The following FILIP1L variants were observed in gnomAD, a reference collection of about 807,000 sequenced individuals.
The protein encoded by FILIP1L is filamin A interacting protein 1 like.
In FILIP1L, 55 loss-of-function variants were observed where a neutral mutation model predicts 96.6. The observed-to-expected ratio is 0.57, with a 90% CI of 0.46 to 0.71. FILIP1L has a LOEUF of 0.71. FILIP1L is among the 30% of genes least tolerant of loss of function. The pLI is 0.00. For synonymous variants in FILIP1L, 467 were observed against 473.9 expected (o/e 0.99, Z 0.19); for missense variants, 1,304 against 1,321.2 (o/e 0.99, Z 0.20).
At chr3:99,905,781 A>G (rs1250629921) in intron 4 of FILIP1L, among the ~76,000 whole-genome samples, 2 of 152,216 alleles carry the variant, frequency 1.3e-5, no homozygotes, top group South Asian at 2.1e-4. Context: ...GACTGCATGC[A>G]TGTGGACTCT....
At chr3:99,833,922 TG>T (rs1559649104) in intron 5 of FILIP1L, among the ~76,000 whole-genome samples, 1 of 152,240 alleles carries the variant, frequency 6.6e-6, no homozygotes, top group Non-Finnish European at 1.5e-5. Flanking sequence ...CAGTGTTTAA[TG>T]GGAAAGTATA....
At position 99,850,280 on chromosome 3, in the gene FILIP1L, T is replaced by C. The variant is rs1187360335; in HGVS notation, c.1396A>G (p.Lys466Glu). The change falls in exon 5 of 6, where the codon AAA (lysine) becomes GAA (glutamate). Residue 466 changes from lysine to glutamate, a missense_variant. By Grantham distance (56) the Lys-to-Glu change is moderately conservative. Transcript: ENST00000477258. ...GCTTCTAGCTCTTTGATCCTTACTT[T>C]TAAACTCTCCAGTTCTTGAGACAAC... ...KQLSQELESL[K>E]VRIKELEAIE... 5.0e-6 allele frequency: 8 copies of C among 1,613,842 alleles called. No individual in the cohort carries two copies. Among genetic ancestry groups the C allele is most frequent in the Non-Finnish European group, 6.8e-6 (8 of 1,180,022 alleles).
chr3:100,111,562 C>T (rs188417079), intron 1 of FILIP1L, among the ~76,000 whole-genome samples: 2 of 152,276 alleles, frequency 1.3e-5, no homozygotes, highest in East Asian at 3.9e-4. Context: ...TGAAAAGTCT[C>T]CTCAACCAAG....
At chr3:99,884,355 C>A (rs1181101262) in intron 4 of FILIP1L, among the ~76,000 whole-genome samples, 1 of 152,078 alleles carries the variant, frequency 6.6e-6, no homozygotes, top group African/African-American at 2.4e-5. Flanking sequence ...AAAATCCTAC[C>A]ACACCATGTT....
chr3:99,849,804 C>T lies in FILIP1L; in HGVS notation c.1872G>A (p.Lys624=). The T allele has an allele frequency of 6.2e-7, 1 of 1,612,952 alleles. No homozygotes were observed. Among genetic ancestry groups the T allele is most frequent in the African/African-American group, 1.3e-5 (1 of 74,952 alleles). The stretch of plus-strand genomic sequence containing the variant: ...CCACTTCTTGAGAGAGCTCCTTAAT[C>T]TTATTGTTTTCTTGGTGTAATGCTG... ...STTALHQENN[K]IKELSQEVER... Residue 624 remains lysine (K), a synonymous_variant, in exon 5 of 6, where the codon AAG becomes AAA. Coordinates refer to ENST00000477258, the MANE Select transcript of FILIP1L (RefSeq NM_001387850.1).
chr3:100,077,852 A>G (rs2065874113), intron 1 of FILIP1L, among the ~76,000 whole-genome samples: 1 of 152,170 alleles, frequency 6.6e-6, no homozygotes, highest in Admixed American at 6.5e-5. Flanking sequence ...AGGCTATAGT[A>G]AGCTGTGTTC....
chr3:100,068,773 G>A (rs1171294324), intron 1 of FILIP1L, among the ~76,000 whole-genome samples: 3 of 152,200 alleles, frequency 2.0e-5, no homozygotes, highest in African/African-American at 7.2e-5. Context: ...GAATACAGGC[G>A]CCCACCACCA....
chr3:100,082,168 T>A (rs952701124), intron 1 of FILIP1L, among the ~76,000 whole-genome samples: 4 of 152,244 alleles, frequency 2.6e-5, no homozygotes, highest in Non-Finnish European at 5.9e-5. Context: ...CCCATTATGT[T>A]GTTTATAACA....
At chr3:100,078,575 C>G (rs1198956116) in intron 1 of FILIP1L, among the ~76,000 whole-genome samples, 1 of 151,714 alleles carries the variant, frequency 6.6e-6, no homozygotes, top group Non-Finnish European at 1.5e-5. Flanking sequence ...CCAACACTAG[C>G]GATAGCTGAT....
intron 1 of FILIP1L, among the ~76,000 whole-genome samples, chr3:100,044,944 A>C (rs1213596446): frequency 6.6e-6 from 1 of 152,180 alleles, no homozygotes; most frequent in African/African-American, 2.4e-5. Flanking sequence ...TTTTTCTGAT[A>C]TGAGGTGCTG....
At chr3:99,894,261 A>C (rs187668790) in intron 4 of FILIP1L, among the ~76,000 whole-genome samples, 115 of 152,316 alleles carry the variant, frequency 7.6e-4, no homozygotes, top group Admixed American at 1.4e-3. Flanking sequence ...AAGGGAGAAG[A>C]TCTGTATCTG....
At chr3:99,904,439 A>ATTTT (rs1706544879) in intron 4 of FILIP1L, among the ~76,000 whole-genome samples, 1 of 152,236 alleles carries the variant, frequency 6.6e-6, no homozygotes, top group South Asian at 2.1e-4. Flanking sequence ...TTTTTGAATT[A>ATTTT]TCAAATTAAA....
At chr3:99,840,677 T>C (rs1325232250) in intron 5 of FILIP1L, among the ~76,000 whole-genome samples, 1 of 152,164 alleles carries the variant, frequency 6.6e-6, no homozygotes, top group Non-Finnish European at 1.5e-5. Flanking sequence ...TTTTAAATGA[T>C]TTAAGGAGGG....
chr3:99,930,521 G>A (rs1198619978), intron 2 of FILIP1L, among the ~76,000 whole-genome samples: 1 of 152,180 alleles, frequency 6.6e-6, no homozygotes, highest in Admixed American at 6.5e-5. Context: ...CTCCTGAGCA[G>A]CATGGGCAGA....
At chr3:100,044,947 A>G (rs1029485680) in intron 1 of FILIP1L, among the ~76,000 whole-genome samples, 1 of 152,162 alleles carries the variant, frequency 6.6e-6, no homozygotes, top group African/African-American at 2.4e-5. Flanking sequence ...TTCTGATATG[A>G]GGTGCTGTTT....
At chr3:100,037,933 GCTTTTCT>G (rs2065134781) in intron 1 of FILIP1L, among the ~76,000 whole-genome samples, 1 of 130,336 alleles carries the variant, frequency 7.7e-6, no homozygotes. Context: ...CTTTTTAATC[GCTTTTCT>G]TTTTTTTTTT....
intron 1 of FILIP1L, among the ~76,000 whole-genome samples, chr3:100,093,904 A>G (rs973297933): frequency 6.6e-6 from 1 of 152,184 alleles, no homozygotes; most frequent in Admixed American, 6.6e-5. Context: ...GGCTATTACA[A>G]ATAAAACCAC....
At chr3:99,925,956 T>A in intron 3 of FILIP1L, 1 of 863,826 alleles carries the variant, frequency 1.2e-6, no homozygotes, top group Non-Finnish European at 1.4e-6. Flanking sequence ...CGGGATCTTT[T>A]GCTAGTGATA....
chr3:99,904,441 C>G (rs1401186277), intron 4 of FILIP1L, among the ~76,000 whole-genome samples: 9 of 152,156 alleles, frequency 5.9e-5, no homozygotes, highest in Admixed American at 5.2e-4. Flanking sequence ...TTTGAATTAT[C>G]AAATTAAAAT....
Sources: allele counts gnomAD v4.1 joint callset (sites outside exome capture counted in the v4.1 genomes callset), GRCh38; gene constraint gnomAD v4.1.1; transcripts MANE v1.5; gene names NCBI Gene and HGNC (gene_info 2026-07-23, HGNC 2026-07-21).